Variants in PCCA observed in about 807,000 individuals in gnomAD.
The protein encoded by PCCA is propionyl-CoA carboxylase alpha chain, mitochondrial.
PCCA carries 74 observed loss-of-function variants against 101.3 expected under a neutral mutation model. That is an observed-to-expected ratio of 0.73 (90% CI 0.61 to 0.89). The LOEUF (loss-of-function observed/expected upper bound fraction) is 0.89. PCCA is among the 40% of genes least tolerant of loss of function. PCCA has a pLI of 0.00. For missense variants in PCCA, 891 were observed against 907.0 expected, an observed-to-expected ratio of 0.98 and a Z score of 0.23; for synonymous variants, 294 against 313.6, an observed-to-expected ratio of 0.94 and a Z score of 0.66.
chr13:100,222,932 C>G (rs2059909459), intron 7 of PCCA, among the ~76,000 whole-genome samples: 1 of 152,192 alleles, frequency 6.6e-6, no homozygotes, highest in Non-Finnish European at 1.5e-5. Context: ...CAGTGGTCTT[C>G]TGCAACTCTT....
chr13:100,254,292 G>C (rs1414768371), intron 8 of PCCA, among the ~76,000 whole-genome samples: 3 of 152,142 alleles, frequency 2.0e-5, no homozygotes, highest in Non-Finnish European at 4.4e-5. Context: ...ATTTGGGTGG[G>C]GACACAGAGC....
intron 7 of PCCA, among the ~76,000 whole-genome samples, chr13:100,218,512 T>A (rs2059642942): frequency 6.6e-6 from 1 of 152,194 alleles, no homozygotes; most frequent in South Asian, 2.1e-4. Context: ...ATTTGGGGTA[T>A]GTACCCAAGA....
intron 22 of PCCA, among the ~76,000 whole-genome samples, chr13:100,525,344 G>T (rs1325095225): frequency 6.6e-6 from 1 of 152,190 alleles, no homozygotes; most frequent in South Asian, 2.1e-4. Context: ...ATGAACAACT[G>T]GGGACCCAGC....
intron 4 of PCCA, among the ~76,000 whole-genome samples, chr13:100,146,231 G>A (rs1194201666): frequency 6.7e-6 from 1 of 149,490 alleles, no homozygotes; most frequent in Non-Finnish European, 1.5e-5. Flanking sequence ...GTGAGCCACC[G>A]CACCGGCCAG....
intron 20 of PCCA, among the ~76,000 whole-genome samples, chr13:100,437,291 C>A (rs902754165): frequency 6.6e-6 from 1 of 152,080 alleles, no homozygotes; most frequent in Non-Finnish European, 1.5e-5. Context: ...CGGAAAAAGT[C>A]TAATCATTGT....
At chr13:100,183,272 G>A (rs2056963337) in intron 6 of PCCA, among the ~76,000 whole-genome samples, 1 of 152,088 alleles carries the variant, frequency 6.6e-6, no homozygotes, top group South Asian at 2.1e-4. Flanking sequence ...TCATAACTGT[G>A]GTATCATTAG....
At chr13:100,429,710 G>A (rs1401708662) in intron 20 of PCCA, among the ~76,000 whole-genome samples, 2 of 151,996 alleles carry the variant, frequency 1.3e-5, no homozygotes, top group East Asian at 1.9e-4. Context: ...GGGTTCAAGC[G>A]ATTCTCTTGC....
At chr13:100,271,556 A>G (rs1015971781) in intron 11 of PCCA, among the ~76,000 whole-genome samples, 2 of 152,238 alleles carry the variant, frequency 1.3e-5, no homozygotes, top group Non-Finnish European at 2.9e-5. Flanking sequence ...CCTTGGCCAG[A>G]AAATGGGGAA....
chr13:100,491,852 T>C lies in PCCA; in HGVS notation c.1900-23575T>C. 4 of 867,776 alleles carry C rather than the reference T, an allele frequency of 4.6e-6. No individual in the cohort carries two copies. In the South Asian group the frequency reaches 9.4e-5, roughly 20 times the overall value. The allele number at this position is 867,776 out of a possible 1,614,324, so 53.8% of individuals were successfully genotyped here. ...CTCTATTTTTTAAAATAAAAATATT[T>C]TAGTGAATATGAGTTAAATGAGAAT... On this transcript the variant is annotated intron_variant, in intron 21 of 23. Transcript: ENST00000376285.
At chr13:100,152,833 A>G (rs2053506393) in intron 4 of PCCA, among the ~76,000 whole-genome samples, 2 of 152,234 alleles carry the variant, frequency 1.3e-5, no homozygotes. Flanking sequence ...TGAAAATTAT[A>G]TATGCGGTAT....
chr13:100,199,600 TG>T (rs2058347362), intron 6 of PCCA, among the ~76,000 whole-genome samples: 2 of 152,218 alleles, frequency 1.3e-5, no homozygotes, highest in African/African-American at 2.4e-5. Flanking sequence ...ATGCCTTTGA[TG>T]AAGACTATAG....
intron 18 of PCCA, 74 bp from the exon 19 acceptor site, chr13:100,368,398 A>G (rs1430975923): frequency 3.5e-6 from 3 of 855,378 alleles, no homozygotes; most frequent in African/African-American, 1.7e-5. Context: ...TGCATTTTAT[A>G]TCAAAGGGAA....
At chr13:100,424,352 G>T (rs1430483471) in intron 19 of PCCA, among the ~76,000 whole-genome samples, 1 of 152,086 alleles carries the variant, frequency 6.6e-6, no homozygotes, top group Non-Finnish European at 1.5e-5. Context: ...GGATTCCAAG[G>T]ATCACCTGTA....
intron 19 of PCCA, among the ~76,000 whole-genome samples, chr13:100,425,055 T>A (rs906719765): frequency 6.6e-6 from 1 of 152,188 alleles, no homozygotes. Context: ...ATTATGGGTC[T>A]TTTTTTGCAT....
chr13:100,497,012 C>T (rs1331958074), intron 21 of PCCA, among the ~76,000 whole-genome samples: 1 of 152,198 alleles, frequency 6.6e-6, no homozygotes, highest in East Asian at 1.9e-4. Context: ...TGCACTTGTT[C>T]TCACGGGAGG....
chr13:100,246,606 G>A (rs2061441190), intron 8 of PCCA, among the ~76,000 whole-genome samples: 1 of 151,998 alleles, frequency 6.6e-6, no homozygotes, highest in Non-Finnish European at 1.5e-5. Context: ...AGAATTACAA[G>A]TGTGAGCCAC....
intron 21 of PCCA, among the ~76,000 whole-genome samples, chr13:100,500,882 G>A (rs950263710): frequency 1.3e-5 from 2 of 152,188 alleles, no homozygotes; most frequent in East Asian, 1.9e-4. Context: ...AGTGGCTCAC[G>A]CCTGTAATCC....
Position 100,121,174 on chromosome 13 carries a change from TTTTA to T in PCCA, c.300+9114_300+9117del, listed in dbSNP as rs1477322094. 2.3e-3 allele frequency among the ~76,000 whole-genome samples: 227 copies of T among 99,286 alleles called. 3 individuals carry two copies. Among genetic ancestry groups the T allele is most frequent in the South Asian group, 6.0e-3 (16 of 2,678 alleles). 65.1% of individuals were successfully genotyped at this position (99,286 alleles called of 152,430 possible). ...TTAGGTTTTTTTTTTTTTTTTTTTTTTTTAAAGATGGAGTTTCTGTCACCCAGGC... is the reference window on the plus strand; with the variant it reads ...TTAGGTTTTTTTTTTTTTTTTTTTTTAAGATGGAGTTTCTGTCACCCAGGC... On this transcript the variant is annotated intron_variant, in intron 4 of 23. Transcript: ENST00000376285.
intron 22 of PCCA, chr13:100,527,436 C>G (rs550265725): frequency 1.8e-6 from 1 of 563,206 alleles, no homozygotes; most frequent in African/African-American, 1.9e-5. Context: ...GCCAGGGTCC[C>G]CACTTCTCCA....
Sources: gnomAD v4.1 joint callset for allele counts (sites outside exome capture counted in the v4.1 genomes callset) on GRCh38, gnomAD v4.1.1 for gene constraint, MANE v1.5 for transcripts, NCBI Gene and HGNC (gene_info 2026-07-23, HGNC 2026-07-21) for gene names.